STK3: variants seen among roughly 807,000 people sequenced by gnomAD.
STK3 encodes serine/threonine kinase 3, also known as serine/threonine-protein kinase 3.
Under a neutral mutation model 58.0 loss-of-function variants are expected in STK3, and 41 were observed. That is an observed-to-expected ratio of 0.71 (90% CI 0.55 to 0.92). The LOEUF is 0.92. Ranked by LOEUF, STK3 falls within the 40% of genes least tolerant of loss-of-function variation. The pLI is 0.00. For missense variants in STK3, 479 were observed against 602.7 expected, an observed-to-expected ratio of 0.79 and a Z score of 2.15; for synonymous variants, 170 against 191.0, an observed-to-expected ratio of 0.89 and a Z score of 0.91.
At chr8:98,886,077 A>C (rs2131909432) in intron 1 of STK3, among the ~76,000 whole-genome samples, 1 of 152,362 alleles carries the variant, frequency 6.6e-6, no homozygotes, top group East Asian at 1.9e-4. Context: ...AGGCATGACT[A>C]TAAGGTAGCA....
intron 1 of STK3, among the ~76,000 whole-genome samples, chr8:98,908,227 A>G (rs1362981776): frequency 6.6e-6 from 1 of 152,228 alleles, no homozygotes; most frequent in African/African-American, 2.4e-5. Context: ...ATTAGCTAGA[A>G]TACTTCTCTA....
At chr8:98,370,089 T>G (rs1586539348), downstream of STK3, among the ~76,000 whole-genome samples, 1 of 8,386 alleles carries the variant, frequency 1.2e-4, no homozygotes. Flanking sequence ...GGGATTTTGA[T>G]TTTTTTTTTT....
At chr8:98,728,508 A>T (rs538280976) in intron 4 of STK3, among the ~76,000 whole-genome samples, 1 of 152,328 alleles carries the variant, frequency 6.6e-6, no homozygotes, top group South Asian at 2.1e-4. Flanking sequence ...GTAAATATAT[A>T]TATATACAAG....
intron 6 of STK3, among the ~76,000 whole-genome samples, chr8:98,632,686 T>C (rs922017844): frequency 6.6e-6 from 1 of 152,148 alleles, no homozygotes; most frequent in African/African-American, 2.4e-5. Context: ...ACTAAAAAAA[T>C]ATGCATTATG....
At chr8:98,547,492 T>C (rs1458145804) in intron 9 of STK3, among the ~76,000 whole-genome samples, 2 of 152,336 alleles carry the variant, frequency 1.3e-5, no homozygotes, top group Middle Eastern at 3.4e-3. Context: ...CTGAATCTTC[T>C]GTATGAGCAT....
intron 6 of STK3, among the ~76,000 whole-genome samples, chr8:98,622,338 CA>C (rs1818398461): frequency 6.6e-6 from 1 of 151,594 alleles, no homozygotes; most frequent in Non-Finnish European, 1.5e-5. Flanking sequence ...TACAATAAAC[CA>C]AATACTAAAT....
chr8:98,938,868 A>C (rs1346031829), intron 1 of STK3, among the ~76,000 whole-genome samples: 1 of 152,198 alleles, frequency 6.6e-6, no homozygotes, highest in Non-Finnish European at 1.5e-5. Flanking sequence ...ACGGACAAGG[A>C]AGGCAGGCAA....
chr8:98,756,583 G>A (rs752412757), intron 3 of STK3, among the ~76,000 whole-genome samples: 11 of 152,244 alleles, frequency 7.2e-5, no homozygotes, highest in Non-Finnish European at 1.6e-4. Flanking sequence ...AAGCTAGATT[G>A]TAGGGAAGCA....
chr8:98,657,204 T>C (rs1001413720), intron 6 of STK3, among the ~76,000 whole-genome samples: 9 of 152,012 alleles, frequency 5.9e-5, no homozygotes, highest in African/African-American at 2.2e-4. Flanking sequence ...CATTCACCCA[T>C]ATATAGTGCT....
intron 3 of STK3, among the ~76,000 whole-genome samples, chr8:98,407,791 G>A (rs1245856577): frequency 2.0e-5 from 3 of 151,200 alleles, no homozygotes; most frequent in African/African-American, 7.3e-5. Flanking sequence ...ATGACTACTG[G>A]CCCCTTAGCC....
chr8:98,554,563 C>T (rs576687033), intron 8 of STK3, among the ~76,000 whole-genome samples: 47 of 152,080 alleles, frequency 3.1e-4, no homozygotes, highest in Non-Finnish European at 6.6e-4. Flanking sequence ...GATCTTACTG[C>T]ATATTATTTT....
the STK3 span, among the ~76,000 whole-genome samples, chr8:98,361,295 G>GA: frequency 3.1e-3 from 468 of 150,838 alleles, 2 homozygotes; most frequent in African/African-American, 0.01. Context: ...GGTAGCTGCA[G>GA]AAAAAAAAAT....
chr8:98,705,369 C>T (rs1011139605), intron 6 of STK3, among the ~76,000 whole-genome samples: 3 of 150,660 alleles, frequency 2.0e-5, no homozygotes, highest in Non-Finnish European at 2.9e-5. Context: ...GCCATGATCG[C>T]ACTACTACAA....
At chr8:98,615,087 G>T (rs1366038010) in intron 6 of STK3, among the ~76,000 whole-genome samples, 1 of 151,816 alleles carries the variant, frequency 6.6e-6, no homozygotes, top group East Asian at 1.9e-4. Context: ...GAGAGCAGTG[G>T]TTCTCCCAGC....
chr8:98,541,577 C>T (rs923200563), intron 9 of STK3, among the ~76,000 whole-genome samples: 1 of 152,176 alleles, frequency 6.6e-6, no homozygotes, highest in Non-Finnish European at 1.5e-5. Context: ...CAATCTCTGA[C>T]TTAAATTGCT....
intron 7 of STK3, among the ~76,000 whole-genome samples, chr8:98,591,561 C>T (rs1292636086): frequency 6.6e-6 from 1 of 152,194 alleles, no homozygotes; most frequent in Non-Finnish European, 1.5e-5. Flanking sequence ...TGGTCTTGCT[C>T]TTCATGTACC....
upstream of STK3, among the ~76,000 whole-genome samples, chr8:98,827,714 G>A (rs1176745482): frequency 1.3e-5 from 2 of 151,704 alleles, no homozygotes; most frequent in African/African-American, 4.8e-5. Context: ...GAGTGCAGTG[G>A]TGTGATCATG....
Position 98,569,482 on chromosome 8 carries a change from A to AT in STK3, c.948+10181dup, listed in dbSNP as rs1250963510. Among the ~76,000 whole-genome samples the AT allele has an allele frequency of 2.0e-5, 3 of 151,972 alleles. No homozygotes were observed. The East Asian group carries it at 5.8e-4, about 29-fold the overall frequency. ...AGAAGACTATTGAAGGGATGAATCA[A>AT]TAAAAAAAAAAAAGTACGGCATTAA... On this transcript the variant is annotated intron_variant, in intron 8 of 10. Coordinates refer to ENST00000419617, the MANE Select transcript of STK3 (RefSeq NM_006281.4).
At chr8:98,735,871 G>T (rs567173728) in intron 4 of STK3, among the ~76,000 whole-genome samples, 1 of 152,102 alleles carries the variant, frequency 6.6e-6, no homozygotes, top group Non-Finnish European at 1.5e-5. Flanking sequence ...TTTCCCAAAG[G>T]AAAAGTATAG....
Sources: gnomAD v4.1 joint callset for allele counts (sites outside exome capture counted in the v4.1 genomes callset) on GRCh38, gnomAD v4.1.1 for gene constraint, MANE v1.5 for transcripts, NCBI Gene and HGNC (gene_info 2026-07-23, HGNC 2026-07-21) for gene names.